MBNL1: variants seen among roughly 807,000 people sequenced by gnomAD.
The protein encoded by MBNL1 is muscleblind like splicing regulator 1, also known as muscleblind-like protein 1.
MBNL1 carries 8 observed loss-of-function variants against 42.2 expected under a neutral mutation model. The observed-to-expected ratio is 0.19, with a 90% CI of 0.11 to 0.34. The LOEUF is 0.34. MBNL1 is among the 10% of genes least tolerant of loss of function. The pLI is 1.00. For synonymous variants in MBNL1, 169 were observed against 173.9 expected, an observed-to-expected ratio of 0.97 and a Z score of 0.22; for missense variants, 309 against 495.3, an observed-to-expected ratio of 0.62 and a Z score of 3.57.
intron 2 of MBNL1, among the ~76,000 whole-genome samples, chr3:152,259,746 C>CTAG (rs759462947): frequency 2.0e-5 from 3 of 152,168 alleles, no homozygotes; most frequent in Non-Finnish European, 4.4e-5. Flanking sequence ...TTTCATGCAA[C>CTAG]TAGTAATAGA....
intron 2 of MBNL1, among the ~76,000 whole-genome samples, chr3:152,348,116 A>G (rs1298623468): frequency 2.6e-5 from 4 of 152,138 alleles, no homozygotes; most frequent in East Asian, 1.9e-4. Flanking sequence ...TGATAGTTCT[A>G]TTGCTTGAAA....
intron 2 of MBNL1, among the ~76,000 whole-genome samples, chr3:152,257,282 G>A (rs1490729256): frequency 6.6e-6 from 1 of 152,132 alleles, no homozygotes; most frequent in Non-Finnish European, 1.5e-5. Flanking sequence ...GAGAGCATTC[G>A]ATTTTCTACA....
intron 1 of MBNL1, among the ~76,000 whole-genome samples, chr3:152,272,071 T>TC (rs1240770335): frequency 1.5e-5 from 2 of 130,828 alleles, no homozygotes; most frequent in African/African-American, 3.0e-5. Flanking sequence ...CTCTCTCTCT[T>TC]TCATGGTGTC....
At chr3:152,323,471 A>C (rs1370338873) in intron 2 of MBNL1, among the ~76,000 whole-genome samples, 1 of 152,154 alleles carries the variant, frequency 6.6e-6, no homozygotes, top group Non-Finnish European at 1.5e-5. Flanking sequence ...GTGCACACAC[A>C]CACACACGTC....
At chr3:152,444,550 C>T (rs866342780) in intron 4 of MBNL1, among the ~76,000 whole-genome samples, 2 of 151,890 alleles carry the variant, frequency 1.3e-5, no homozygotes, top group Non-Finnish European at 2.9e-5. Flanking sequence ...AAAAATGGAC[C>T]CAAGAGTTTC....
At chr3:152,312,868 A>G (rs956869907) in intron 2 of MBNL1, among the ~76,000 whole-genome samples, 1 of 152,186 alleles carries the variant, frequency 6.6e-6, no homozygotes, top group Non-Finnish European at 1.5e-5. Context: ...TTGTAATAAA[A>G]ATTATTTTGT....
chr3:152,346,471 G>C (rs2094259879), intron 2 of MBNL1, among the ~76,000 whole-genome samples: 1 of 152,004 alleles, frequency 6.6e-6, no homozygotes, highest in Non-Finnish European at 1.5e-5. Context: ...ATTCTGAGAA[G>C]AGTTTATTTT....
At chr3:152,362,171 G>A (rs1012640312) in intron 2 of MBNL1, among the ~76,000 whole-genome samples, 5 of 152,190 alleles carry the variant, frequency 3.3e-5, no homozygotes, top group Non-Finnish European at 7.4e-5. Flanking sequence ...TATAATGGAT[G>A]TAATGTTTTT....
At chr3:152,285,244 G>A (rs1163031947) in intron 1 of MBNL1, among the ~76,000 whole-genome samples, 1 of 152,114 alleles carries the variant, frequency 6.6e-6, no homozygotes, top group Admixed American at 6.5e-5. Context: ...GGCTTCTGTT[G>A]TATATATTAG....
intron 3 of MBNL1, among the ~76,000 whole-genome samples, chr3:152,424,777 C>A (rs13086287): frequency 0.12 from 18,745 of 152,154 alleles, 1,270 homozygotes; most frequent in Middle Eastern, 0.18. Context: ...CACCACACAT[C>A]TACCACCATT....
intron 4 of MBNL1, among the ~76,000 whole-genome samples, chr3:152,437,214 T>C (rs1037115587): frequency 6.6e-6 from 1 of 152,216 alleles, no homozygotes; most frequent in Admixed American, 6.5e-5. Flanking sequence ...GTGAAAAATT[T>C]TCGGAATCAG....
chr3:152,255,662 T>C (rs1424572587), intron 2 of MBNL1, among the ~76,000 whole-genome samples: 1 of 152,002 alleles, frequency 6.6e-6, no homozygotes, highest in East Asian at 1.9e-4. Flanking sequence ...AGTAAACTAG[T>C]AAAGAAATAA....
At chr3:152,298,048 A>G (rs1577354554) in intron 1 of MBNL1, among the ~76,000 whole-genome samples, 1 of 152,176 alleles carries the variant, frequency 6.6e-6, no homozygotes, top group African/African-American at 2.4e-5. Flanking sequence ...TAGTGTTAAA[A>G]TGGCAATATT....
chr3:152,403,187 G>A (rs1467824057), intron 2 of MBNL1, among the ~76,000 whole-genome samples: 4 of 139,596 alleles, frequency 2.9e-5, no homozygotes, highest in Admixed American at 7.3e-5. Context: ...CCCCTCTCAC[G>A]TTCACATTCT....
At chr3:152,320,820 C>T (rs1424648523) in intron 2 of MBNL1, among the ~76,000 whole-genome samples, 3 of 151,184 alleles carry the variant, frequency 2.0e-5, no homozygotes, top group African/African-American at 7.3e-5. Context: ...TATTATCAAA[C>T]TAATAGCACT....
intron 2 of MBNL1, among the ~76,000 whole-genome samples, chr3:152,343,736 A>G (rs1056288188): frequency 1.3e-5 from 2 of 152,140 alleles, no homozygotes; most frequent in African/African-American, 4.8e-5. Flanking sequence ...AGCCTATTCA[A>G]TAAATGTAGG....
At chr3:152,299,096 C>T (rs1201849677) in intron 1 of MBNL1, 1 of 152,570 alleles carries the variant, frequency 6.6e-6, no homozygotes, top group South Asian at 2.1e-4. Flanking sequence ...CTGACAGGCG[C>T]GACCTTTCAT....
At chr3:152,290,805 T>C (rs1293686409) in intron 1 of MBNL1, among the ~76,000 whole-genome samples, 1 of 152,156 alleles carries the variant, frequency 6.6e-6, no homozygotes, top group Admixed American at 6.5e-5. Context: ...ATCAGGACAT[T>C]GTAACGGGAA....
At chr3:152,283,104 T>C (rs1357117928) in intron 1 of MBNL1, among the ~76,000 whole-genome samples, 1 of 152,186 alleles carries the variant, frequency 6.6e-6, no homozygotes, top group African/African-American at 2.4e-5. Context: ...GGCAGGAAGA[T>C]AGGTTGCTGA....
Sources: allele counts gnomAD v4.1 joint callset (sites outside exome capture counted in the v4.1 genomes callset), GRCh38; gene constraint gnomAD v4.1.1; transcripts MANE v1.5; gene names NCBI Gene and HGNC (gene_info 2026-07-23, HGNC 2026-07-21).